The following RORB variants were observed in gnomAD, a reference collection of about 807,000 sequenced individuals.
RORB encodes nuclear receptor ROR-beta.
Under a neutral mutation model 59.1 loss-of-function variants are expected in RORB, and 6 were observed. The ratio of observed to expected loss-of-function variants is 0.10; its 90% confidence interval spans 0.06 to 0.20. The LOEUF is 0.20. Among genes scored for constraint, RORB ranks in the 10% least tolerant of loss-of-function variants. RORB has a pLI of 1.00. For missense variants in RORB, 320 were observed against 560.5 expected, an observed-to-expected ratio of 0.57 and a Z score of 4.33; for synonymous variants, 215 against 204.5, an observed-to-expected ratio of 1.05 and a Z score of -0.44.
At chr9:74,632,259 A>G (rs1017948291) in intron 2 of RORB, among the ~76,000 whole-genome samples, 1 of 152,212 alleles carries the variant, frequency 6.6e-6, no homozygotes, top group African/African-American at 2.4e-5. Flanking sequence ...AGAATCCACA[A>G]TCAAAGAAAT....
chr9:74,686,204 A>G lies in RORB; in HGVS notation c.*586A>G, dbSNP rs1587424735. 6.6e-6 allele frequency: 1 copy of G among 152,632 alleles called. No individual in the cohort carries two copies. Among genetic ancestry groups the G allele is most frequent in the Non-Finnish European group, 1.5e-5 (1 of 68,040 alleles). 9.5% of individuals were successfully genotyped at this position (152,632 alleles called of 1,614,324 possible). On this transcript the variant is annotated 3_prime_UTR_variant, in exon 10 of 10. Transcript: ENST00000376896. ...TGGAGGTTCAGTCAGGCTCTCTTCTATGATTTACCTTCTGTGTTATATGTT... is the reference window on the plus strand; with the variant it reads ...TGGAGGTTCAGTCAGGCTCTCTTCTGTGATTTACCTTCTGTGTTATATGTT...
At chr9:74,641,829 C>T (rs1164416413) in intron 3 of RORB, among the ~76,000 whole-genome samples, 4 of 152,052 alleles carry the variant, frequency 2.6e-5, no homozygotes, top group African/African-American at 9.7e-5. Flanking sequence ...ATTGCTTGAG[C>T]CCAGGAGCCC....
chr9:74,630,268 T>C lies in RORB; in HGVS notation c.8-14T>C, dbSNP rs763812249. ...AACATCTGTATGCTCAAAATGTCTGTTTTCTCCTTTCAGCACAAATTGAAG... is the reference window on the plus strand; with the variant it reads ...AACATCTGTATGCTCAAAATGTCTGCTTTCTCCTTTCAGCACAAATTGAAG... On this transcript the variant is annotated splice_polypyrimidine_tract_variant and intron_variant, in intron 1 of 9. Coordinates refer to ENST00000376896, the MANE Select transcript of RORB (RefSeq NM_006914.4). 2 of 1,611,006 alleles carry C rather than the reference T, an allele frequency of 1.2e-6. No homozygotes were observed. Among genetic ancestry groups the C allele is most frequent in the South Asian group, 2.2e-5 (2 of 90,862 alleles).
At chr9:74,683,094 C>G (rs1207197071) in intron 9 of RORB, among the ~76,000 whole-genome samples, 2 of 152,162 alleles carry the variant, frequency 1.3e-5, no homozygotes, top group African/African-American at 4.8e-5. Context: ...TTTTAAGAAG[C>G]ACCCCAGCCA....
intron 1 of RORB, among the ~76,000 whole-genome samples, chr9:74,564,282 G>A (rs919241397): frequency 1.3e-5 from 2 of 152,050 alleles, no homozygotes; most frequent in African/African-American, 4.8e-5. Flanking sequence ...CTATATAATA[G>A]GCATAGAACT....
At chr9:74,643,789 C>T (rs145950101) in intron 4 of RORB, among the ~76,000 whole-genome samples, 496 of 152,270 alleles carry the variant, frequency 3.3e-3, no homozygotes, top group Non-Finnish European at 5.8e-3. Flanking sequence ...TTCAAGGGCT[C>T]TGCCCAAAGA....
chr9:74,598,607 T>C (rs938522625), intron 1 of RORB, among the ~76,000 whole-genome samples: 1 of 152,226 alleles, frequency 6.6e-6, no homozygotes, highest in African/African-American at 2.4e-5. Flanking sequence ...TAGTTTTGTG[T>C]TGAAAACATT....
chr9:74,624,599 T>C (rs1384020884), intron 1 of RORB, among the ~76,000 whole-genome samples: 2 of 152,372 alleles, frequency 1.3e-5, no homozygotes, highest in East Asian at 1.9e-4. Context: ...TTCCCAGAGA[T>C]ACCTGCTGCA....
rs1824234772 is a variant in RORB at position 74,664,307 on chromosome 9, TCTAA to T, written c.893-1176_893-1173del. ...GGAGGGGAACCCAGTTCATTGTATC[TCTAA>T]CTAAGACTCAGATATAACCAATCCA... On this transcript the variant is annotated intron_variant, in intron 6 of 9. Coordinates refer to ENST00000376896, the MANE Select transcript of RORB (RefSeq NM_006914.4). 2.0e-5 allele frequency among the ~76,000 whole-genome samples: 3 copies of T among 152,334 alleles called. No homozygotes were observed. In the South Asian group the frequency reaches 6.2e-4, roughly 32 times the overall value.
chr9:74,522,859 G>A (rs1182395594), intron 1 of RORB, among the ~76,000 whole-genome samples: 1 of 151,742 alleles, frequency 6.6e-6, no homozygotes, highest in Non-Finnish European at 1.5e-5. Context: ...ATCACTACTG[G>A]TCTAAAAAAA....
At chr9:74,631,166 T>C (rs1302750742) in intron 2 of RORB, among the ~76,000 whole-genome samples, 1 of 152,202 alleles carries the variant, frequency 6.6e-6, no homozygotes, top group Non-Finnish European at 1.5e-5. Flanking sequence ...AGACTTAATC[T>C]GAAATAAGAG....
intron 1 of RORB, among the ~76,000 whole-genome samples, chr9:74,625,378 G>A (rs912072903): frequency 1.6e-4 from 25 of 152,144 alleles, no homozygotes; most frequent in African/African-American, 5.8e-4. Flanking sequence ...CTTTGGGAGG[G>A]CAAGGCAAGC....
At chr9:74,528,153 A>G (rs1478082707) in intron 1 of RORB, among the ~76,000 whole-genome samples, 1 of 152,026 alleles carries the variant, frequency 6.6e-6, no homozygotes, top group African/African-American at 2.4e-5. Flanking sequence ...GGCAAGGATC[A>G]GAGAGACCTT....
At chr9:74,582,084 T>C (rs1287637583) in intron 1 of RORB, among the ~76,000 whole-genome samples, 2 of 152,206 alleles carry the variant, frequency 1.3e-5, no homozygotes, top group East Asian at 3.9e-4. Flanking sequence ...TTTATATCTC[T>C]TCTTGAAGTT....
intron 1 of RORB, among the ~76,000 whole-genome samples, chr9:74,552,184 C>G (rs976577248): frequency 6.6e-6 from 1 of 152,136 alleles, no homozygotes; most frequent in African/African-American, 2.4e-5. Flanking sequence ...CTTATCAGAG[C>G]TTTCACTGTA....
intron 1 of RORB, among the ~76,000 whole-genome samples, chr9:74,600,823 T>A (rs1823043476): frequency 6.6e-6 from 1 of 152,216 alleles, no homozygotes; most frequent in Non-Finnish European, 1.5e-5. Context: ...TTTACCAAAA[T>A]TATGGGAAAT....
chr9:74,518,274 C>T (rs1403842546), intron 1 of RORB, among the ~76,000 whole-genome samples: 1 of 151,992 alleles, frequency 6.6e-6, no homozygotes, highest in African/African-American at 2.4e-5. Context: ...GTTAATTGAA[C>T]ATGTGAAATG....
Position 74,690,091 on chromosome 9 carries a change from A to G in RORB, c.*4473A>G, listed in dbSNP as rs2118594393. 1 of 152,240 alleles carries G rather than the reference A, an allele frequency of 6.6e-6. No homozygotes were observed. Among genetic ancestry groups the G allele is most frequent in the South Asian group, 2.1e-4 (1 of 4,824 alleles). The allele number at this position is 152,240 out of a possible 1,614,324, so 9.4% of individuals were successfully genotyped here. On this transcript the variant is annotated 3_prime_UTR_variant, in exon 10 of 10. Transcript: ENST00000376896. ...CCTTAAAGTGTGCATCTGTAGTGAAACTCTGCACAAAGTCCCCTGCATAAA... is the reference window on the plus strand; with the variant it reads ...CCTTAAAGTGTGCATCTGTAGTGAAGCTCTGCACAAAGTCCCCTGCATAAA...
intron 1 of RORB, among the ~76,000 whole-genome samples, chr9:74,507,613 C>A (rs1356395089): frequency 2.0e-5 from 3 of 152,032 alleles, no homozygotes; most frequent in Non-Finnish European, 4.4e-5. Flanking sequence ...ACACTCAAAT[C>A]ATATTTAACC....
Sources: allele counts gnomAD v4.1 joint callset (sites outside exome capture counted in the v4.1 genomes callset), GRCh38; gene constraint gnomAD v4.1.1; transcripts MANE v1.5; gene names NCBI Gene and HGNC (gene_info 2026-07-23, HGNC 2026-07-21).